ST6GALNAC5: variants seen among roughly 807,000 people sequenced by gnomAD.
The protein encoded by ST6GALNAC5 is ST6 N-acetylgalactosaminide alpha-2,6-sialyltransferase 5, also known as alpha-N-acetylgalactosaminide alpha-2,6-sialyltransferase 5.
A neutral mutation model predicts 33.6 loss-of-function variants in ST6GALNAC5; 27 were observed. The observed-to-expected ratio is 0.80, with a 90% CI of 0.59 to 1.11. The LOEUF is 1.11. Among genes scored for constraint, ST6GALNAC5 ranks in the 50% least tolerant of loss-of-function variants. The probability of loss-of-function intolerance (pLI) is 0.00; values close to 1 mark genes in which losing one functional copy is unlikely to be tolerated. For missense variants in ST6GALNAC5, 428 were observed against 454.0 expected (o/e 0.94, Z 0.52); for synonymous variants, 194 against 171.2 (o/e 1.13, Z -1.04).
rs1277472500 is a variant in ST6GALNAC5, at chr1:77,004,782, G to T, written c.262-39422G>T. On this transcript the variant is annotated intron_variant, in intron 2 of 4. Coordinates refer to ENST00000477717, the MANE Select transcript of ST6GALNAC5 (RefSeq NM_030965.3). ...GTGTCAGTGTGCCCCTGCTGGAGGG[G>T]TGCCTCCCAGTTAGGCTGCTCGGGG... Among the ~76,000 whole-genome samples the T allele has an allele frequency of 3.1e-5, 4 of 128,658 alleles. 1 individual carries two copies. Among genetic ancestry groups the T allele is most frequent in the Admixed American group, 7.7e-5 (1 of 12,904 alleles). 84.4% of individuals were successfully genotyped at this position (128,658 alleles called of 152,430 possible).
At chr1:76,876,953 T>C (rs1025036318) in intron 2 of ST6GALNAC5, among the ~76,000 whole-genome samples, 9 of 152,200 alleles carry the variant, frequency 5.9e-5, no homozygotes, top group Non-Finnish European at 1.2e-4. Flanking sequence ...CACTTCCTCA[T>C]GTAACTAACT....
At chr1:76,996,463 T>C (rs1649943749) in intron 2 of ST6GALNAC5, among the ~76,000 whole-genome samples, 1 of 152,226 alleles carries the variant, frequency 6.6e-6, no homozygotes, top group Middle Eastern at 3.2e-3. Flanking sequence ...CATGTACATT[T>C]CTAATATACT....
chr1:76,898,163 G>A (rs1202796066), intron 2 of ST6GALNAC5, among the ~76,000 whole-genome samples: 1 of 152,200 alleles, frequency 6.6e-6, no homozygotes. Flanking sequence ...TCACACAGAT[G>A]GGATACGGCT....
chr1:76,950,195 A>T (rs1347049314), intron 2 of ST6GALNAC5, among the ~76,000 whole-genome samples: 1 of 152,170 alleles, frequency 6.6e-6, no homozygotes, highest in Admixed American at 6.6e-5. Context: ...GAGAACTGGC[A>T]TCTTCTGACT....
intron 2 of ST6GALNAC5, among the ~76,000 whole-genome samples, chr1:76,885,184 G>C (rs1343506344): frequency 2.0e-5 from 3 of 152,146 alleles, no homozygotes; most frequent in African/African-American, 7.2e-5. Context: ...TAAGAGTATG[G>C]AATGACTTCT....
intron 2 of ST6GALNAC5, among the ~76,000 whole-genome samples, chr1:76,943,703 A>G (rs1249152519): frequency 1.3e-5 from 2 of 152,086 alleles, no homozygotes; most frequent in Admixed American, 1.3e-4. Context: ...AAGCTATCTA[A>G]TTCCCTGTAT....
At chr1:76,998,390 T>G (rs1324692099) in intron 2 of ST6GALNAC5, among the ~76,000 whole-genome samples, 1 of 152,062 alleles carries the variant, frequency 6.6e-6, no homozygotes, top group Non-Finnish European at 1.5e-5. Flanking sequence ...GGTGAGACTT[T>G]GTCTCTAAAA....
At chr1:76,918,660 C>T (rs1274513163) in intron 2 of ST6GALNAC5, among the ~76,000 whole-genome samples, 1 of 150,542 alleles carries the variant, frequency 6.6e-6, no homozygotes, top group African/African-American at 2.4e-5. Flanking sequence ...AAGATGAGCA[C>T]CTGAGCACCA....
chr1:76,912,814 C>T (rs1646928506), intron 2 of ST6GALNAC5, among the ~76,000 whole-genome samples: 2 of 152,146 alleles, frequency 1.3e-5, no homozygotes, highest in Non-Finnish European at 2.9e-5. Context: ...CTATGTGTGT[C>T]TGCACATGAG....
intron 4 of ST6GALNAC5, among the ~76,000 whole-genome samples, chr1:77,050,900 A>C (rs1159863700): frequency 6.6e-6 from 1 of 152,238 alleles, no homozygotes; most frequent in Non-Finnish European, 1.5e-5. Context: ...TTGCCACCTT[A>C]ACTTTCCTCC....
chr1:76,916,258 G>T (rs893817697), intron 2 of ST6GALNAC5, among the ~76,000 whole-genome samples: 5 of 152,136 alleles, frequency 3.3e-5, no homozygotes, highest in Admixed American at 3.3e-4. Flanking sequence ...GCCTCATCCA[G>T]CTACATGCAG....
At chr1:76,902,365 C>G (rs1570655034) in intron 2 of ST6GALNAC5, among the ~76,000 whole-genome samples, 1 of 151,960 alleles carries the variant, frequency 6.6e-6, no homozygotes, top group Non-Finnish European at 1.5e-5. Flanking sequence ...AAATAAATTA[C>G]AGAAGATCTA....
chr1:77,036,678 G>C (rs1651656111), intron 2 of ST6GALNAC5, among the ~76,000 whole-genome samples: 1 of 152,262 alleles, frequency 6.6e-6, no homozygotes, highest in African/African-American at 2.4e-5. Flanking sequence ...TTATGTGCCA[G>C]ACACTGTGGT....
intron 2 of ST6GALNAC5, among the ~76,000 whole-genome samples, chr1:77,032,932 A>G (rs1651512411): frequency 6.6e-6 from 1 of 152,196 alleles, no homozygotes; most frequent in African/African-American, 2.4e-5. Context: ...CAGAGGCCAG[A>G]GAAGCCAGTT....
intron 2 of ST6GALNAC5, among the ~76,000 whole-genome samples, chr1:76,964,385 A>G (rs1301468564): frequency 2.0e-5 from 3 of 152,118 alleles, no homozygotes; most frequent in African/African-American, 7.2e-5. Context: ...AAACTATCCA[A>G]TGAATCCATG....
intron 2 of ST6GALNAC5, among the ~76,000 whole-genome samples, chr1:76,873,464 A>G (rs565488321): frequency 7.2e-5 from 11 of 152,224 alleles, no homozygotes; most frequent in South Asian, 4.1e-4. Context: ...CTACAACAAT[A>G]TCTAAAATTT....
intron 2 of ST6GALNAC5, among the ~76,000 whole-genome samples, chr1:76,987,046 A>G (rs1488363450): frequency 2.0e-5 from 3 of 152,188 alleles, no homozygotes; most frequent in East Asian, 3.9e-4. Context: ...GAGGGATAGC[A>G]TTAGGAGAAA....
At chr1:76,973,505 C>T (rs1648848921) in intron 2 of ST6GALNAC5, among the ~76,000 whole-genome samples, 1 of 151,864 alleles carries the variant, frequency 6.6e-6, no homozygotes, top group African/African-American at 2.4e-5. Context: ...ACTTGAAGTC[C>T]ACTAACTTAA....
intron 2 of ST6GALNAC5, among the ~76,000 whole-genome samples, chr1:76,925,182 C>T (rs1647072611): frequency 6.6e-6 from 1 of 151,990 alleles, no homozygotes; most frequent in Non-Finnish European, 1.5e-5. Flanking sequence ...TCACTCATCA[C>T]CAAGAGGATG....
Sources: allele counts gnomAD v4.1 joint callset (sites outside exome capture counted in the v4.1 genomes callset), GRCh38; gene constraint gnomAD v4.1.1; transcripts MANE v1.5; gene names NCBI Gene and HGNC (gene_info 2026-07-23, HGNC 2026-07-21).